Variants in FAM227B observed in about 807,000 individuals in gnomAD.
FAM227B encodes protein FAM227B.
Under a neutral mutation model 73.8 loss-of-function variants are expected in FAM227B, and 88 were observed. The ratio of observed to expected loss-of-function variants is 1.19; its 90% confidence interval spans 1.00 to 1.42. FAM227B has a LOEUF of 1.42. FAM227B is among the 40% of genes most tolerant of loss of function. The pLI is 0.00. For missense variants in FAM227B, 632 were observed against 590.9 expected (o/e 1.07, Z -0.72); for synonymous variants, 210 against 190.5 (o/e 1.10, Z -0.84).
chr15:49,340,138 C>T (rs533921961), intron 13 of FAM227B, among the ~76,000 whole-genome samples: 1 of 152,284 alleles, frequency 6.6e-6, no homozygotes, highest in Admixed American at 6.5e-5. Context: ...TTCTGTCTCA[C>T]TGGTGTTCCA....
At chr15:49,615,794 C>T (rs375857333) in intron 1 of FAM227B, among the ~76,000 whole-genome samples, 43 of 152,254 alleles carry the variant, frequency 2.8e-4, no homozygotes, top group East Asian at 2.5e-3. Context: ...GGTTCTACTA[C>T]GTCACATGAC....
At chr15:49,578,401 G>A (rs1186248162) in intron 5 of FAM227B, among the ~76,000 whole-genome samples, 1 of 152,002 alleles carries the variant, frequency 6.6e-6, no homozygotes, top group African/African-American at 2.4e-5. Context: ...ATTAGTTTTT[G>A]ATCATCTAGT....
chr15:49,533,419 T>C (rs1444675505), intron 10 of FAM227B, among the ~76,000 whole-genome samples: 2 of 151,920 alleles, frequency 1.3e-5, no homozygotes, highest in Non-Finnish European at 2.9e-5. Context: ...AGTCCTTTGT[T>C]TCCCTACTAG....
intron 3 of FAM227B, among the ~76,000 whole-genome samples, chr15:49,601,463 T>G (rs2077201408): frequency 6.6e-6 from 1 of 152,138 alleles, no homozygotes; most frequent in Admixed American, 6.5e-5. Context: ...TTAAATATAT[T>G]GTGTATCCAT....
At chr15:49,615,359 A>G in intron 1 of FAM227B, 116 bp from the exon 2 acceptor site, 1 of 604,534 alleles carries the variant, frequency 1.7e-6, no homozygotes, top group African/African-American at 1.8e-5. Context: ...TTGGCTCTGT[A>G]TCTCCACTCA....
chr15:49,423,562 T>C (rs193188060), intron 11 of FAM227B: 86 of 152,288 alleles, frequency 5.6e-4, no homozygotes, highest in African/African-American at 2.0e-3. Flanking sequence ...CATGTAACTA[T>C]AGTAATTATG....
At chr15:49,589,048 A>T (rs183677790) in intron 4 of FAM227B, among the ~76,000 whole-genome samples, 3 of 152,166 alleles carry the variant, frequency 2.0e-5, no homozygotes, top group Non-Finnish European at 2.9e-5. Flanking sequence ...AAGAATAATT[A>T]TAAGTATTTA....
At chr15:49,464,295 G>A (rs1399513617) in intron 11 of FAM227B, among the ~76,000 whole-genome samples, 2 of 152,128 alleles carry the variant, frequency 1.3e-5, no homozygotes, top group East Asian at 3.9e-4. Context: ...CTATCATGTT[G>A]AGAATCACTG....
At chr15:49,609,918 A>C (rs1483589187) in intron 3 of FAM227B, among the ~76,000 whole-genome samples, 1 of 151,942 alleles carries the variant, frequency 6.6e-6, no homozygotes, top group African/African-American at 2.4e-5. Context: ...CTACCTGATA[A>C]AACTTGAAGG....
chr15:49,512,282 A>G (rs2059060659), intron 10 of FAM227B, among the ~76,000 whole-genome samples: 1 of 152,056 alleles, frequency 6.6e-6, no homozygotes, highest in African/African-American at 2.4e-5. Context: ...ATTTTTATAA[A>G]TATTTTGTGT....
intron 11 of FAM227B, among the ~76,000 whole-genome samples, chr15:49,498,487 A>G (rs986146918): frequency 9.8e-5 from 15 of 152,344 alleles, no homozygotes; most frequent in Admixed American, 9.8e-4. Flanking sequence ...TTAAATTAAA[A>G]TTTGAGCAAT....
intron 13 of FAM227B, chr15:49,344,238 T>A (rs2041143690): frequency 6.6e-6 from 1 of 152,154 alleles, no homozygotes; most frequent in Non-Finnish European, 1.5e-5. Context: ...CTCCAAAAAA[T>A]AAAAATTATT....
chr15:49,329,381 G>C lies in FAM227B; in HGVS notation c.1420-706C>G, dbSNP rs1033854389. On this transcript the variant is annotated intron_variant, in intron 15 of 15. Transcript: ENST00000299338. ...TTTGCTGAAATACTCAGGTAATTGAGATAGCAATGGTTTTATGGCATGAAT... is the reference window on the plus strand; with the variant it reads ...TTTGCTGAAATACTCAGGTAATTGACATAGCAATGGTTTTATGGCATGAAT... The C allele has an allele frequency of 2.0e-5, 20 of 985,200 alleles. No homozygotes were observed. In the African/African-American group the frequency reaches 3.0e-4, roughly 15 times the overall value. The allele number at this position is 985,200 out of a possible 1,614,324, so 61.0% of individuals were successfully genotyped here.
At chr15:49,511,787 T>C (rs533397804) in intron 10 of FAM227B, among the ~76,000 whole-genome samples, 1 of 152,290 alleles carries the variant, frequency 6.6e-6, no homozygotes, top group South Asian at 2.1e-4. Flanking sequence ...CATTATCTCG[T>C]TCCTTTCTGT....
intron 11 of FAM227B, among the ~76,000 whole-genome samples, chr15:49,500,919 T>C (rs570914836): frequency 3.3e-5 from 5 of 152,302 alleles, no homozygotes; most frequent in Admixed American, 1.3e-4. Flanking sequence ...TGCTTGATCC[T>C]GCTTTTGCCA....
intron 9 of FAM227B, among the ~76,000 whole-genome samples, chr15:49,558,993 A>G (rs1674068627): frequency 1.3e-5 from 2 of 152,098 alleles, no homozygotes; most frequent in African/African-American, 4.8e-5. Flanking sequence ...GTGAGCCATA[A>G]AACTGTCTGT....
chr15:49,373,830 C>A lies in FAM227B; in HGVS notation c.1013-2431G>T, dbSNP rs147430566. 3.1e-3 allele frequency among the ~76,000 whole-genome samples: 464 copies of A among 151,914 alleles called. 2 individuals are homozygous for A. The highest frequency in any genetic ancestry group is 0.011 in the African/African-American group (438 of 41,432). On this transcript the variant is annotated intron_variant, in intron 11 of 15. Coordinates refer to ENST00000299338, the MANE Select transcript of FAM227B (RefSeq NM_152647.3). ...CAAGTGTAGGTCACAAATATTAATA[C>A]AATAATTGACTAAACTATACAAACA...
intron 13 of FAM227B, chr15:49,365,842 C>A: frequency 1.1e-6 from 1 of 887,018 alleles, no homozygotes; most frequent in South Asian, 1.3e-5. Context: ...GCTTTTGCCG[C>A]GACACTCAAT....
intron 14 of FAM227B, among the ~76,000 whole-genome samples, chr15:49,335,041 GCCCAGCTGCCAC>G (rs2039460666): frequency 6.6e-6 from 1 of 152,118 alleles, no homozygotes; most frequent in Admixed American, 6.5e-5. Flanking sequence ...CTTGACACCA[GCCCAGCTGCCAC>G]CCCAGCTCCA....
Sources: gnomAD v4.1 joint callset for allele counts (sites outside exome capture counted in the v4.1 genomes callset) on GRCh38, gnomAD v4.1.1 for gene constraint, MANE v1.5 for transcripts, NCBI Gene and HGNC (gene_info 2026-07-23, HGNC 2026-07-21) for gene names.